Variants in PCDHGB4 observed in about 807,000 individuals in gnomAD.
PCDHGB4 encodes the protein protocadherin gamma subfamily B, 4, also known as protocadherin gamma-B4.
A neutral mutation model predicts 60.5 loss-of-function variants in PCDHGB4; 38 were observed. The observed-to-expected ratio is 0.63, with a 90% CI of 0.48 to 0.82. The LOEUF (loss-of-function observed/expected upper bound fraction) is 0.82, where lower values mean the gene tolerates loss of function less well. Among genes scored for constraint, PCDHGB4 ranks in the 40% least tolerant of loss-of-function variants. The pLI is 0.00. For missense variants in PCDHGB4, 1,109 were observed against 1,209.6 expected, an observed-to-expected ratio of 0.92 and a Z score of 1.23; for synonymous variants, 456 against 509.7, an observed-to-expected ratio of 0.89 and a Z score of 1.42.
At chr5:141,472,980 C>CAA (rs60579131) in intron 1 of PCDHGB4, among the ~76,000 whole-genome samples, 188 of 86,094 alleles carry the variant, frequency 2.2e-3, no homozygotes, top group Non-Finnish European at 3.2e-3. Flanking sequence ...GAGTGAAACT[C>CAA]AAAAAAAAAA....
chr5:141,476,236 AAG>A lies in PCDHGB4; in HGVS notation c.2398-18565_2398-18564del. ...TCATTCACTATGAGATCCCGGAGGA[AAG>A]AGAGAAGGGTTTCGCTGTGGGCAAC... is the stretch of plus-strand genomic sequence containing the variant. On this transcript the variant is annotated intron_variant, in intron 1 of 3. Transcript: ENST00000519479. The surrounding 1 kb of genome is among the most constrained non-coding windows in gnomAD (Gnocchi z 7.6). 2.5e-6 allele frequency: 4 copies of A among 1,613,980 alleles called. No individual in the cohort carries two copies. Among genetic ancestry groups the A allele is most frequent in the Non-Finnish European group, 3.4e-6 (4 of 1,180,004 alleles).
chr5:141,390,437 T>C (rs1182289355), intron 1 of PCDHGB4, 156 bp downstream of exon 1: 42 of 933,186 alleles, frequency 4.5e-5, no homozygotes, highest in Non-Finnish European at 6.5e-5. Flanking sequence ...CATATCATTC[T>C]ACAAAGGAGG....
At position 141,486,418 on chromosome 5, in the gene PCDHGB4, A is replaced by G. The variant is rs1174910867; in HGVS notation, c.2398-8389A>G. On this transcript the variant is annotated intron_variant, in intron 1 of 3. Transcript: ENST00000519479. This position sits in a 1 kb window ranked among gnomAD's most constrained non-coding sequence, Gnocchi z 5.0. ...TGGTGACTGCTGGACCCTTGGATCG[A>G]GAGGCCAAATCTAGCTATGACATCA... is the stretch of plus-strand genomic sequence containing the variant. The G allele has an allele frequency of 3.7e-6, 6 of 1,614,176 alleles. No individual in the cohort carries two copies. Among genetic ancestry groups the G allele is most frequent in the Non-Finnish European group, 5.1e-6 (6 of 1,180,020 alleles).
intron 2 of PCDHGB4, among the ~76,000 whole-genome samples, chr5:141,496,406 G>C (rs1485949584): frequency 6.6e-6 from 1 of 152,160 alleles, no homozygotes; most frequent in African/African-American, 2.4e-5. Flanking sequence ...CTCAATGGTT[G>C]AGTACTTGCT....
At chr5:141,509,069 G>T (rs1463164307) in intron 3 of PCDHGB4, among the ~76,000 whole-genome samples, 1 of 152,174 alleles carries the variant, frequency 6.6e-6, no homozygotes, top group Non-Finnish European at 1.5e-5. Flanking sequence ...CTCAGCTCCG[G>T]GGATTTGCGA....
At chr5:141,433,662 C>T (rs1377052782) in intron 1 of PCDHGB4, among the ~76,000 whole-genome samples, 1 of 151,950 alleles carries the variant, frequency 6.6e-6, no homozygotes, top group Non-Finnish European at 1.5e-5. Context: ...ATGGAGAAAC[C>T]CCGTCTATAC....
At chr5:141,465,467 C>T (rs2099103834) in intron 1 of PCDHGB4, among the ~76,000 whole-genome samples, 1 of 152,178 alleles carries the variant, frequency 6.6e-6, no homozygotes, top group Non-Finnish European at 1.5e-5. Flanking sequence ...CCAAATTGCC[C>T]TTGCTTCATG....
At chr5:141,404,396 A>C (rs2094523935) in intron 1 of PCDHGB4, 2 of 1,613,816 alleles carry the variant, frequency 1.2e-6, no homozygotes, top group Non-Finnish European at 1.7e-6. Context: ...CCCTGATAGC[A>C]ATGAGAATTC....
intron 1 of PCDHGB4, chr5:141,409,458 A>G (rs1435071611): frequency 4.3e-6 from 7 of 1,613,820 alleles, no homozygotes; most frequent in East Asian, 2.2e-5. Context: ...CCAGAATACA[A>G]TGTCACCATC....
At chr5:141,461,826 T>G (rs1466528519) in intron 1 of PCDHGB4, among the ~76,000 whole-genome samples, 2 of 151,912 alleles carry the variant, frequency 1.3e-5, no homozygotes, top group Non-Finnish European at 1.5e-5. Flanking sequence ...GCTAATTTTT[T>G]TTTCTTTTTT....
At chr5:141,466,809 C>T (rs1187657283) in intron 1 of PCDHGB4, among the ~76,000 whole-genome samples, 2 of 152,102 alleles carry the variant, frequency 1.3e-5, no homozygotes, top group African/African-American at 4.8e-5. Context: ...CCTATTCAGA[C>T]ATGGTATAAC....
chr5:141,476,029 A>G lies in PCDHGB4; in HGVS notation c.2398-18778A>G, dbSNP rs975943706. The G allele has an allele frequency of 2.3e-5, 34 of 1,455,312 alleles. No homozygotes were observed. The highest frequency in any genetic ancestry group is 1.1e-4 in the African/African-American group (8 of 70,728). 90.1% of individuals were successfully genotyped at this position (1,455,312 alleles called of 1,614,324 possible). A position where few individuals can be genotyped will look rare whatever the true frequency, so the allele number is the denominator to read the frequency against. On this transcript the variant is annotated intron_variant, in intron 1 of 3. Transcript: ENST00000519479. The surrounding 1 kb of genome is among the most constrained non-coding windows in gnomAD (Gnocchi z 7.6). The stretch of plus-strand genomic sequence containing the variant: ...GAAAGCCATGTCGGACTCGGCGCCC[A>G]GCGCCCAAGCGCTAACCCGCTGAAA...
At chr5:141,498,967 GGGAGGGAAGGAA>G (rs1374222518) in intron 2 of PCDHGB4, among the ~76,000 whole-genome samples, 13 of 129,674 alleles carry the variant, frequency 1.0e-4, no homozygotes, top group South Asian at 5.5e-4. Context: ...GAGGGAGGGA[GGGAGGGAAGGAA>G]GGAAGGAAGG....
intron 1 of PCDHGB4, among the ~76,000 whole-genome samples, chr5:141,474,082 C>CA (rs1449032579): frequency 1.3e-5 from 2 of 152,064 alleles, no homozygotes; most frequent in African/African-American, 4.8e-5. Context: ...AAACAAAAAC[C>CA]AAAAAACAAA....
chr5:141,467,409 C>T (rs2099143590), intron 1 of PCDHGB4, among the ~76,000 whole-genome samples: 1 of 152,132 alleles, frequency 6.6e-6, no homozygotes, highest in South Asian at 2.1e-4. Context: ...GAAAGCCTTT[C>T]CCCACACCTA....
chr5:141,506,025 A>T (rs2099850088), intron 3 of PCDHGB4, among the ~76,000 whole-genome samples: 1 of 152,150 alleles, frequency 6.6e-6, no homozygotes, highest in African/African-American at 2.4e-5. Context: ...CCCTAACTCC[A>T]GAGTAGGATT....
intron 1 of PCDHGB4, among the ~76,000 whole-genome samples, chr5:141,460,270 C>T (rs1223096441): frequency 6.6e-6 from 1 of 151,828 alleles, no homozygotes; most frequent in Non-Finnish European, 1.5e-5. Context: ...TTTATTTTTT[C>T]TTTTATAGTT....
rs750397953 is a variant in PCDHGB4 at position 141,409,543 on chromosome 5, C to CA, written c.2397+19264dup. 2.4e-5 allele frequency: 38 copies of CA among 1,613,884 alleles called. No individual in the cohort carries two copies. The South Asian group carries it at 4.1e-4, about 17-fold the overall frequency. On this transcript the variant is annotated intron_variant, in intron 1 of 3. Transcript: ENST00000519479. ...CCTTGTATGTCGCTGACATCAACGACAACGCCCCAGTTTTCGACCAGACGT... is the reference window on the plus strand; with the variant it reads ...CCTTGTATGTCGCTGACATCAACGACAAACGCCCCAGTTTTCGACCAGACGT...
intron 2 of PCDHGB4, among the ~76,000 whole-genome samples, chr5:141,501,476 A>T (rs1274017343): frequency 3.3e-5 from 5 of 152,044 alleles, no homozygotes; most frequent in Admixed American, 3.3e-4. Context: ...ATCCTGGAAG[A>T]GTCCCTCATA....
Sources: allele counts gnomAD v4.1 joint callset (sites outside exome capture counted in the v4.1 genomes callset), GRCh38; gene constraint gnomAD v4.1.1; non-coding constraint Gnocchi (gnomAD v3.1); transcripts MANE v1.5; gene names NCBI Gene and HGNC (gene_info 2026-07-23, HGNC 2026-07-21).